The following RBFOX1 variants were observed in gnomAD, a reference collection of about 807,000 sequenced individuals.
RBFOX1 encodes RNA binding protein fox-1 homolog 1.
Under a neutral mutation model 57.7 loss-of-function variants are expected in RBFOX1, and 8 were observed. The ratio of observed to expected loss-of-function variants is 0.14; its 90% CI spans 0.08 to 0.25. The LOEUF (loss-of-function observed/expected upper bound fraction) is 0.25. RBFOX1 is among the 10% of genes least tolerant of loss of function. The pLI is 1.00. For synonymous variants in RBFOX1, 326 were observed against 222.4 expected (o/e 1.47, Z -4.15); for missense variants, 611 against 548.5 (o/e 1.11, Z -1.14).
At chr16:5,360,179 C>A (rs1345182708) in intron 1 of RBFOX1, among the ~76,000 whole-genome samples, 4 of 152,212 alleles carry the variant, frequency 2.6e-5, no homozygotes, top group Non-Finnish European at 1.5e-5. Flanking sequence ...GCCGCCTACT[C>A]CATCCGTGGA....
At chr16:5,942,222 C>G (rs1348605434) in intron 4 of RBFOX1, among the ~76,000 whole-genome samples, 4 of 152,118 alleles carry the variant, frequency 2.6e-5, no homozygotes, top group African/African-American at 9.7e-5. Context: ...CTCAAAGCAG[C>G]CTCTCCATAG....
chr16:7,253,514 C>G (rs2094565800), intron 4 of RBFOX1, among the ~76,000 whole-genome samples: 2 of 152,136 alleles, frequency 1.3e-5, no homozygotes, highest in Non-Finnish European at 1.5e-5. Context: ...TCATCACTTC[C>G]TTTCTAACCA....
intron 2 of RBFOX1, among the ~76,000 whole-genome samples, chr16:6,332,295 T>C (rs76202436): frequency 1.1e-4 from 17 of 152,192 alleles, no homozygotes; most frequent in African/African-American, 4.1e-4. Flanking sequence ...GTGTTTATTA[T>C]GTACCTGTCA....
At chr16:6,538,102 A>G (rs777342700) in intron 2 of RBFOX1, among the ~76,000 whole-genome samples, 1 of 152,158 alleles carries the variant, frequency 6.6e-6, no homozygotes, top group African/African-American at 2.4e-5. Context: ...TGAATTGTAA[A>G]CTGTACAATT....
chr16:6,298,001 G>T (rs1392411064), intron 1 of RBFOX1, among the ~76,000 whole-genome samples: 3 of 152,208 alleles, frequency 2.0e-5, no homozygotes, highest in African/African-American at 7.2e-5. Context: ...CTGGAGAAGA[G>T]CTCAGGATGC....
chr16:6,773,603 ATG>A (rs2078812020), intron 3 of RBFOX1, among the ~76,000 whole-genome samples: 1 of 59,382 alleles, frequency 1.7e-5, no homozygotes, highest in Non-Finnish European at 3.1e-5. Context: ...GTGTGTGTGT[ATG>A]TGCATGTGTG....
chr16:5,797,583 C>G (rs1000835604), intron 3 of RBFOX1, among the ~76,000 whole-genome samples: 27 of 152,186 alleles, frequency 1.8e-4, no homozygotes, highest in African/African-American at 6.3e-4. Context: ...CAGCCCTAAG[C>G]TGATGCAGAC....
intron 4 of RBFOX1, among the ~76,000 whole-genome samples, chr16:7,476,722 C>G (rs1795896956): frequency 6.6e-6 from 1 of 152,136 alleles, no homozygotes; most frequent in African/African-American, 2.4e-5. Flanking sequence ...CCCTCTGAAG[C>G]ATTGCTCTGT....
At chr16:5,969,500 T>C (rs2059921056) in intron 4 of RBFOX1, among the ~76,000 whole-genome samples, 1 of 144,964 alleles carries the variant, frequency 6.9e-6, no homozygotes, top group Non-Finnish European at 1.5e-5. Flanking sequence ...TTTTTTGTAT[T>C]TTTAGTAGAG....
chr16:5,627,666 C>G (rs2048384461), intron 3 of RBFOX1, among the ~76,000 whole-genome samples: 1 of 152,100 alleles, frequency 6.6e-6, no homozygotes. Context: ...TCTGTATCCA[C>G]AGATTCAACC....
chr16:5,814,233 G>A (rs1019760423), intron 3 of RBFOX1, among the ~76,000 whole-genome samples: 2 of 152,158 alleles, frequency 1.3e-5, no homozygotes, highest in East Asian at 3.8e-4. Context: ...CTTAGCTGAA[G>A]TGCCTTTGGG....
chr16:5,974,140 C>T (rs1596325387), intron 4 of RBFOX1, among the ~76,000 whole-genome samples: 2 of 152,186 alleles, frequency 1.3e-5, no homozygotes, highest in Admixed American at 1.3e-4. Context: ...CCATTGTTCT[C>T]TATATGGCCG....
intron 2 of RBFOX1, among the ~76,000 whole-genome samples, chr16:6,421,921 C>CTT (rs35479646): frequency 7.6e-4 from 76 of 99,814 alleles, no homozygotes; most frequent in Non-Finnish European, 1.2e-3. Context: ...GGGACCAGAC[C>CTT]TTTTTTTTTT....
intron 1 of RBFOX1, among the ~76,000 whole-genome samples, chr16:6,092,044 C>G (rs1003480755): frequency 2.0e-5 from 3 of 152,144 alleles, no homozygotes; most frequent in African/African-American, 7.2e-5. Flanking sequence ...TCCATCCGTC[C>G]TCCTTGAAGA....
At chr16:6,824,638 T>C (rs2091862965) in intron 3 of RBFOX1, among the ~76,000 whole-genome samples, 1 of 152,202 alleles carries the variant, frequency 6.6e-6, no homozygotes, top group African/African-American at 2.4e-5. Flanking sequence ...AGAAAATCCA[T>C]TCCTTATCAA....
chr16:5,593,948 C>T (rs754520257), intron 2 of RBFOX1, among the ~76,000 whole-genome samples: 6 of 152,096 alleles, frequency 3.9e-5, no homozygotes, highest in South Asian at 2.1e-4. Context: ...TGAAGGTCTC[C>T]GTGCTTCATC....
intron 1 of RBFOX1, among the ~76,000 whole-genome samples, chr16:6,154,592 A>G (rs939843544): frequency 3.9e-5 from 6 of 152,214 alleles, no homozygotes; most frequent in Non-Finnish European, 1.5e-5. Flanking sequence ...CCTCTCTGGC[A>G]TTATTGCTGT....
intron 3 of RBFOX1, among the ~76,000 whole-genome samples, chr16:5,609,123 A>G (rs1049702504): frequency 4.6e-5 from 7 of 152,162 alleles, no homozygotes; most frequent in Admixed American, 4.6e-4. Flanking sequence ...TAAGAAATAA[A>G]ATTATTGGAG....
At chr16:6,051,657 A>G (rs986803802) in intron 1 of RBFOX1, among the ~76,000 whole-genome samples, 1 of 152,098 alleles carries the variant, frequency 6.6e-6, no homozygotes, top group African/African-American at 2.4e-5. Flanking sequence ...TCTGCCTCTC[A>G]GGTTCAAGCA....
Sources: gnomAD v4.1 joint callset for allele counts (sites outside exome capture counted in the v4.1 genomes callset) on GRCh38, gnomAD v4.1.1 for gene constraint, MANE v1.5 for transcripts, NCBI Gene and HGNC (gene_info 2026-07-23, HGNC 2026-07-21) for gene names.